Variants in GARNL3 observed in about 807,000 individuals in gnomAD.
GARNL3 encodes the protein GTPase-activating Rap/Ran-GAP domain-like protein 3.
Under a neutral mutation model 125.0 loss-of-function variants are expected in GARNL3, and 63 were observed. The observed-to-expected ratio is 0.50, with a 90% CI of 0.41 to 0.62. The LOEUF is 0.62. Among genes scored for constraint, GARNL3 ranks in the 20% least tolerant of loss-of-function variants. The pLI is 0.00. For synonymous variants in GARNL3, 439 were observed against 457.5 expected, an observed-to-expected ratio of 0.96 and a Z score of 0.52; for missense variants, 994 against 1,244.0, an observed-to-expected ratio of 0.80 and a Z score of 3.02.
Position 127,393,195 on chromosome 9 carries a change from G to C in GARNL3, c.2983G>C (p.Gly995Arg), listed in dbSNP as rs144848033. The change falls in exon 28 of 28, where the codon GGC (glycine) becomes CGC (arginine). Residue 995 changes from glycine (G) to arginine (R), a missense_variant. By Grantham distance (125) the Gly-to-Arg change is moderately radical (BLOSUM62 -2). This residue lies in a region of GARNL3 where 728 missense variants were observed against 865.7 expected (regional missense o/e 0.84). Transcript: ENST00000373387. ...VADREGSPVS[G>R]SSPFQLTAFS... ...AGACAGAGAGGGCAGCCCGGTCTCC[G>C]GCAGCAGCCCCTTCCAGCTCACGGC... The C allele has an allele frequency of 2.6e-4, 427 of 1,613,700 alleles. 5 individuals are homozygous for C. In the East Asian group the frequency reaches 9.4e-3, roughly 36 times the overall value.
At chr9:127,345,381 A>G in intron 15 of GARNL3, 22 bp from the exon 16 acceptor site, 1 of 1,530,482 alleles carries the variant, frequency 6.5e-7, no homozygotes, top group East Asian at 2.3e-5. Context: ...GTAAACTTTA[A>G]TAGAGATCTC....
In GARNL3 at chr9:127,256,950, A is replaced by G. The variant is rs1265762426; in HGVS notation, c.144-8002A>G. Reference sequence around the variant, plus strand: ...CAGTTCCATCCCCAAAGGCTCTCTCATGTTGCCCTTTTATAACCACACCTC... The same window carrying G: ...CAGTTCCATCCCCAAAGGCTCTCTCGTGTTGCCCTTTTATAACCACACCTC... On this transcript the variant is annotated intron_variant, in intron 2 of 10. Coordinates refer to the GARNL3 transcript ENST00000439286. Among the ~76,000 whole-genome samples, 3 of 152,174 alleles carry G rather than the reference A, an allele frequency of 2.0e-5. No individual in the cohort carries two copies. The East Asian group carries it at 5.8e-4, about 29-fold the overall frequency.
chr9:127,349,847 C>T (rs548280655), intron 17 of GARNL3, among the ~76,000 whole-genome samples: 1 of 152,334 alleles, frequency 6.6e-6, no homozygotes, highest in African/African-American at 2.4e-5. Context: ...GCTGCCCAGT[C>T]TCTGGTTACC....
chr9:127,274,602 G>A (rs1048965203), intron 1 of GARNL3, among the ~76,000 whole-genome samples: 15 of 152,056 alleles, frequency 9.9e-5, no homozygotes, highest in Non-Finnish European at 1.9e-4. Context: ...CTGCTCTCTT[G>A]CAGCCACCTT....
chr9:127,352,565 GA>G, intron 17 of GARNL3, among the ~76,000 whole-genome samples: 1 of 152,320 alleles, frequency 6.6e-6, no homozygotes, highest in East Asian at 1.9e-4. Context: ...AGAGGAGGAA[GA>G]AAAGTGGTTG....
At chr9:127,379,074 G>A (rs62579679) in intron 22 of GARNL3, among the ~76,000 whole-genome samples, 42,874 of 152,074 alleles carry the variant, frequency 0.28, 7,080 homozygotes, top group Middle Eastern at 0.43. Context: ...CACTGAGCCC[G>A]GACAACAGTG....
intron 2 of GARNL3, among the ~76,000 whole-genome samples, chr9:127,294,714 C>T (rs924004299): frequency 2.6e-5 from 4 of 152,154 alleles, no homozygotes; most frequent in African/African-American, 7.2e-5. Flanking sequence ...TAAGTTATAT[C>T]GGGAGTGCTT....
chr9:127,348,383 G>A (rs145474078), intron 16 of GARNL3, among the ~76,000 whole-genome samples: 2 of 152,280 alleles, frequency 1.3e-5, no homozygotes, highest in South Asian at 2.1e-4. Context: ...TACAGCTCTT[G>A]CCAAACAGAT....
chr9:127,335,247 C>G lies in GARNL3; in HGVS notation c.787C>G (p.His263Asp), dbSNP rs771666314. 6.2e-7 allele frequency: 1 copy of G among 1,612,542 alleles called. No homozygotes were observed. The highest frequency in any genetic ancestry group is 1.7e-5 in the Admixed American group (1 of 60,020). Residue 263 changes from histidine (H) to aspartate (D), a missense_variant, in exon 10 of 28, where the codon CAT becomes GAT. Physicochemically the swap from His to Asp is moderately conservative, Grantham distance 81. Around this residue, in one of 5 missense-constraint regions of GARNL3, gnomAD observed 71 missense variants for 66.2 expected, o/e 1.07. Coordinates refer to ENST00000373387, the MANE Select transcript of GARNL3 (RefSeq NM_032293.5). ...LDTKNDTTGIHSVYTVYQGHE... is the reference protein window; with the variant it reads ...LDTKNDTTGIDSVYTVYQGHE... ...TTTTGCAGATGATACCACAGGGATACATTCAGTTTATACTGTGTACCAAGG... is the reference window on the plus strand; with the variant it reads ...TTTTGCAGATGATACCACAGGGATAGATTCAGTTTATACTGTGTACCAAGG...
intron 6 of GARNL3, among the ~76,000 whole-genome samples, chr9:127,321,568 A>G (rs2065403795): frequency 2.6e-5 from 4 of 152,264 alleles, no homozygotes; most frequent in African/African-American, 9.6e-5. Flanking sequence ...TGTTAAGGGA[A>G]AACAATCTGC....
Position 127,264,903 on chromosome 9 carries a change from T to C in GARNL3, c.26T>C (p.Phe9Ser). Reference protein sequence around the residue: MVVDFCRRFVARSLCIILM... With the variant: MVVDFCRRSVARSLCIILM... ...ATGGTAGTTGATTTTTGCAGAAGGT[T>C]TGTGGCCAGATCGCTATGTATAATA... Residue 9 changes from phenylalanine to serine, a missense_variant, in exon 1 of 28, where the codon TTT becomes TCT. Phe to Ser is a radical substitution (Grantham distance 155, BLOSUM62 -2). Transcript: ENST00000373387. 1 of 1,599,156 alleles carries C rather than the reference T, an allele frequency of 6.3e-7. No homozygotes were observed. Among genetic ancestry groups the C allele is most frequent in the Non-Finnish European group, 8.5e-7 (1 of 1,171,286 alleles).
At chr9:127,378,765 T>TTTTG (rs552877685) in intron 22 of GARNL3, among the ~76,000 whole-genome samples, 94 of 152,096 alleles carry the variant, frequency 6.2e-4, no homozygotes, top group South Asian at 1.2e-3. Context: ...TATATATATT[T>TTTTG]TTTGTTTGTT....
intron 1 of GARNL3, among the ~76,000 whole-genome samples, chr9:127,279,493 T>A (rs2064048594): frequency 6.6e-6 from 1 of 152,226 alleles, no homozygotes; most frequent in African/African-American, 2.4e-5. Context: ...ATTACTGTTT[T>A]AGTTCCCTAA....
Position 127,243,222 on chromosome 9 carries a change from AC to A in GARNL3, c.119del (p.Pro40LeufsTer3). 7.3e-7 allele frequency: 1 copy of A among 1,366,554 alleles called. No individual in the cohort carries two copies. Among genetic ancestry groups the A allele is most frequent in the Non-Finnish European group, 9.8e-7 (1 of 1,021,852 alleles). 84.7% of individuals were successfully genotyped at this position (1,366,554 alleles called of 1,614,324 possible). ...CCCCTTCAGACATGGCCAACGAAAG[AC>A]CCTGAACTAGAGTCCCAGGTCAACC... On this transcript the variant is annotated frameshift_variant, in exon 2 of 11. Transcript: ENST00000439286. LOFTEE classifies it high-confidence loss of function.
intron 1 of GARNL3, among the ~76,000 whole-genome samples, chr9:127,284,154 G>A (rs1393108357): frequency 6.6e-6 from 1 of 152,176 alleles, no homozygotes; most frequent in Non-Finnish European, 1.5e-5. Context: ...GGCCAGGGCT[G>A]CCTTTGTGGG....
intron 12 of GARNL3, among the ~76,000 whole-genome samples, chr9:127,339,314 G>C (rs940711940): frequency 2.0e-5 from 3 of 148,632 alleles, no homozygotes; most frequent in African/African-American, 7.5e-5. Flanking sequence ...AAAAAAAAGA[G>C]GTTTAATTGT....
chr9:127,314,523 C>T (rs992400313), intron 4 of GARNL3, among the ~76,000 whole-genome samples: 1 of 151,964 alleles, frequency 6.6e-6, no homozygotes, highest in Non-Finnish European at 1.5e-5. Context: ...TTCCTTCACC[C>T]CTTCCTTCCT....
At chr9:127,254,277 A>T (rs952659472) in intron 2 of GARNL3, among the ~76,000 whole-genome samples, 2 of 152,136 alleles carry the variant, frequency 1.3e-5, no homozygotes, top group African/African-American at 4.8e-5. Flanking sequence ...AACAATAGAG[A>T]CTCTTTAGGA....
At chr9:127,254,874 A>G (rs2063470581) in intron 2 of GARNL3, among the ~76,000 whole-genome samples, 1 of 152,194 alleles carries the variant, frequency 6.6e-6, no homozygotes, top group African/African-American at 2.4e-5. Flanking sequence ...AGGTAGCCCA[A>G]AAGGCCAATA....
Sources: gnomAD v4.1 joint callset for allele counts (sites outside exome capture counted in the v4.1 genomes callset) on GRCh38, gnomAD v4.1.1 for gene constraint, gnomAD v4.1.1 regional missense constraint, MANE v1.5 for transcripts, NCBI Gene and HGNC (gene_info 2026-07-23, HGNC 2026-07-21) for gene names.